The following NUP210 variants were observed in gnomAD, a reference collection of about 807,000 sequenced individuals.
NUP210 encodes nucleoporin 210.
In NUP210, 151 loss-of-function variants were observed where a neutral mutation model predicts 196.0. That is an observed-to-expected ratio of 0.77 (90% CI 0.67 to 0.88). The LOEUF (loss-of-function observed/expected upper bound fraction) is 0.88. Ranked by LOEUF, NUP210 falls within the 40% of genes least tolerant of loss-of-function variation. The pLI is 0.00. For missense variants in NUP210, 2,314 were observed against 2,493.7 expected (o/e 0.93, Z 1.53); for synonymous variants, 1,070 against 1,052.7 (o/e 1.02, Z -0.32).
intron 20 of NUP210, among the ~76,000 whole-genome samples, chr3:13,344,073 G>A (rs1348209801): frequency 6.6e-6 from 1 of 152,160 alleles, no homozygotes; most frequent in Non-Finnish European, 1.5e-5. Flanking sequence ...TTTAGAGACA[G>A]GGTCTCACTC....
rs1296760995 is a variant in NUP210 at position 13,358,276 on chromosome 3, G to A, written c.2274C>T (p.Tyr758=). Residue 758 remains tyrosine (Y), a synonymous_variant, in exon 16 of 40, where the codon TAC becomes TAT. Coordinates refer to ENST00000254508, the MANE Select transcript of NUP210 (RefSeq NM_024923.4). The part of the protein sequence containing the change: ...PPSRLTLAPV[Y]TSPQLDMSCP... ...AGGACATGTCCAGCTGGGGGCTGGT[G>A]TAGACAGGCGCGAGGGTGAGCCTGG... 3 of 1,613,834 alleles carry A rather than the reference G, an allele frequency of 1.9e-6. No homozygotes were observed. The highest frequency in any genetic ancestry group is 2.2e-5 in the South Asian group (2 of 91,050).
In NUP210 at chr3:13,322,223, T is replaced by C; in HGVS notation, c.4885A>G (p.Thr1629Ala). 1 of 1,614,118 alleles carries C rather than the reference T, an allele frequency of 6.2e-7. No individual in the cohort carries two copies. Among genetic ancestry groups the C allele is most frequent in the East Asian group, 2.2e-5 (1 of 44,872 alleles). Residue 1629 changes from threonine to alanine, a missense_variant, in exon 35 of 40, where the codon ACC becomes GCC. By Grantham distance (58) the Thr-to-Ala change is moderately conservative (BLOSUM62 0). Coordinates refer to ENST00000254508, the MANE Select transcript of NUP210 (RefSeq NM_024923.4). Reference sequence around the variant, plus strand: ...GCAGTGTCAAACTGTGGCTCCACGGTGAACACATCTTGAGATGGGAAATCA... The same window carrying C: ...GCAGTGTCAAACTGTGGCTCCACGGCGAACACATCTTGAGATGGGAAATCA... ...VFDFPSQDVF[T>A]VEPQFDTALG...
chr3:13,328,907 C>T lies in NUP210; in HGVS notation c.4150G>A (p.Val1384Ile), dbSNP rs1299429242. The T allele has an allele frequency of 1.9e-6, 3 of 1,613,902 alleles. No homozygotes were observed. The African/African-American group carries it at 4.0e-5, about 22-fold the overall frequency. ...GCCTCCTTGTTCTGGGTGTGCAGGA[C>T]AGGGCTCATGGAAACCCTCAGGTAG... Reference protein sequence around the residue: ...VSYLRVSMSPVLHTQNKEALV... With the variant: ...VSYLRVSMSPILHTQNKEALV... The change falls in exon 31 of 40, where the codon GTC becomes ATC. Residue 1384 changes from valine to isoleucine, a missense_variant. Transcript: ENST00000254508.
intron 1 of NUP210, among the ~76,000 whole-genome samples, chr3:13,415,233 TAA>T (rs1359215722): frequency 6.6e-6 from 1 of 152,132 alleles, no homozygotes. Flanking sequence ...TCTCAAAAAA[TAA>T]AAAGAGTCAC....
chr3:13,336,174 C>G (rs1033490023), intron 27 of NUP210, among the ~76,000 whole-genome samples: 3 of 152,198 alleles, frequency 2.0e-5, no homozygotes, highest in African/African-American at 7.2e-5. Context: ...TTCCAGGCCT[C>G]CATCCCCACT....
intron 13 of NUP210, among the ~76,000 whole-genome samples, chr3:13,368,464 T>C (rs185872379): frequency 6.6e-6 from 1 of 152,376 alleles, no homozygotes; most frequent in Admixed American, 6.5e-5. Flanking sequence ...CTTTTGTGTG[T>C]ATAGTTCAGT....
At chr3:13,386,025 G>A (rs1699260485) in intron 6 of NUP210, among the ~76,000 whole-genome samples, 1 of 152,258 alleles carries the variant, frequency 6.6e-6, no homozygotes, top group African/African-American at 2.4e-5. Flanking sequence ...GAAATAGAGT[G>A]ATGAGTGCCA....
chr3:13,343,445 G>T (rs1006008622), intron 20 of NUP210, 142 bp from the exon 21 acceptor site: 80 of 1,080,070 alleles, frequency 7.4e-5, no homozygotes, highest in Admixed American at 6.7e-4. Flanking sequence ...AGCCCGCCAG[G>T]CCAGCACTGG....
chr3:13,318,167 G>C (rs479524), intron 39 of NUP210, among the ~76,000 whole-genome samples: 1 of 152,224 alleles, frequency 6.6e-6, no homozygotes, highest in African/African-American at 2.4e-5. Flanking sequence ...GTGCTCCGGA[G>C]ACCTTGCAGA....
intron 29 of NUP210, 112 bp from the exon 30 acceptor site, chr3:13,330,746 A>C (rs1436637659): frequency 1.9e-6 from 2 of 1,077,588 alleles, no homozygotes; most frequent in East Asian, 5.0e-5. Flanking sequence ...TGGGAGGAAA[A>C]AAGGCCCAAT....
At chr3:13,419,275 C>T (rs1253617009) in intron 1 of NUP210, among the ~76,000 whole-genome samples, 2 of 152,216 alleles carry the variant, frequency 1.3e-5, no homozygotes, top group Non-Finnish European at 2.9e-5. Context: ...GTCGTGCCCA[C>T]GCAGCCTTGC....
Position 13,365,831 on chromosome 3 carries a change from A to G in NUP210, c.1932+115T>C. Reference sequence around the variant, plus strand: ...AAATCATGGGAGAGGAAGCTGTGCCAAAAGCTATTTTGAAGGAATCGGGTT... The same window carrying G: ...AAATCATGGGAGAGGAAGCTGTGCCGAAAGCTATTTTGAAGGAATCGGGTT... On this transcript the variant is annotated intron_variant, in intron 14 of 39. Coordinates refer to ENST00000254508, the MANE Select transcript of NUP210 (RefSeq NM_024923.4). 2.5e-6 allele frequency: 3 copies of G among 1,185,420 alleles called. No homozygotes were observed. The South Asian group carries it at 4.1e-5, about 16-fold the overall frequency. 73.4% of individuals were successfully genotyped at this position (1,185,420 alleles called of 1,614,324 possible). A position where few individuals can be genotyped will look rare whatever the true frequency, so the allele number is the denominator to read the frequency against.
chr3:13,323,735 G>C lies in NUP210; in HGVS notation c.4645-303C>G, dbSNP rs1696632911. On this transcript the variant is annotated intron_variant, in intron 33 of 39. Coordinates refer to ENST00000254508, the MANE Select transcript of NUP210 (RefSeq NM_024923.4). The surrounding 1 kb of genome is among the most constrained non-coding windows in gnomAD (Gnocchi z 4.3). ...TCTGGGTGGGCTGAGGATTTTGGCT[G>C]TTCGGACAGCCATGATCACTTCTCT... Among the ~76,000 whole-genome samples the C allele has an allele frequency of 6.6e-6, 1 of 152,166 alleles. No individual in the cohort carries two copies.
intron 36 of NUP210, 74 bp from the exon 37 acceptor site, chr3:13,320,053 C>T (rs981338614): frequency 1.1e-4 from 153 of 1,385,144 alleles, no homozygotes; most frequent in Non-Finnish European, 1.4e-4. Flanking sequence ...CTCAGGACCC[C>T]GAGGCGGGAG....
Position 13,396,268 on chromosome 3 carries a change from A to G in NUP210, c.436+1089T>C, listed in dbSNP as rs147103761. Among the ~76,000 whole-genome samples, 452 of 152,336 alleles carry G rather than the reference A, an allele frequency of 3.0e-3. 4 individuals are homozygous for G. Among genetic ancestry groups the G allele is most frequent in the African/African-American group, 0.01 (434 of 41,566 alleles). ...AAGAATTACTCAACCCCAAATGTCA[A>G]TCAATACTATCTAGGCTAAGAAATC... On this transcript the variant is annotated intron_variant, in intron 3 of 39. Transcript: ENST00000254508.
chr3:13,397,475 G>C lies in NUP210; in HGVS notation c.318C>G (p.Val106=). 1 of 1,601,974 alleles carries C rather than the reference G, an allele frequency of 6.2e-7. No homozygotes were observed. Residue 106 remains valine, a synonymous_variant, in exon 3 of 40, where the codon GTC becomes GTG. Transcript: ENST00000254508. Reference sequence around the variant, plus strand: ...GGTCCACAATGGCATCACAGCGCAGGACCTGGCCTGTGGCTGGAGGAACCC... The same window carrying C: ...GGTCCACAATGGCATCACAGCGCAGCACCTGGCCTGTGGCTGGAGGAACCC... ...IFAEDITTGQ[V]LRCDAIVDLI...
chr3:13,320,848 C>T lies in NUP210; in HGVS notation c.5166+737G>A, dbSNP rs1265070030. On this transcript the variant is annotated intron_variant, in intron 36 of 39. Transcript: ENST00000254508. The stretch of plus-strand genomic sequence containing the variant: ...TAGAACTTGCAGTGAGCCCAGATTG[C>T]GCCACTGCACTCCAGCCTGGGCGAC... Among the ~76,000 whole-genome samples the T allele has an allele frequency of 4.1e-5, 6 of 147,450 alleles. No individual in the cohort carries two copies. In the East Asian group the frequency reaches 8.1e-4, roughly 20 times the overall value.
At chr3:13,413,074 G>A (rs572221912) in intron 1 of NUP210, among the ~76,000 whole-genome samples, 6 of 152,204 alleles carry the variant, frequency 3.9e-5, no homozygotes, top group Non-Finnish European at 2.9e-5. Context: ...AGACTAGCCT[G>A]GCCAATATGG....
chr3:13,343,437 C>A (rs899658074), intron 20 of NUP210, 134 bp from the exon 21 acceptor site: 4 of 1,149,468 alleles, frequency 3.5e-6, no homozygotes, highest in Admixed American at 2.3e-5. Context: ...AGTGGCAGAG[C>A]CCGCCAGGCC....
Sources: gnomAD v4.1 joint callset for allele counts (sites outside exome capture counted in the v4.1 genomes callset) on GRCh38, gnomAD v4.1.1 for gene constraint, Gnocchi (gnomAD v3.1) non-coding constraint, MANE v1.5 for transcripts, NCBI Gene and HGNC (gene_info 2026-07-23, HGNC 2026-07-21) for gene names.